The following SAMMSON variants were observed in gnomAD, a reference collection of about 807,000 sequenced individuals.
SAMMSON encodes the protein long intergenic non-protein coding RNA 1212.
intron 3 of SAMMSON, among the ~76,000 whole-genome samples, chr3:70,019,961 G>T (rs9873906): frequency 0.027 from 4,172 of 152,218 alleles, 111 homozygotes; most frequent in African/African-American, 0.061. Flanking sequence ...AATCCTCTCT[G>T]TGAAGAAATG....
intron 6 of SAMMSON, among the ~76,000 whole-genome samples, chr3:70,287,859 G>T (rs1156571189): frequency 2.0e-5 from 3 of 152,016 alleles, no homozygotes; most frequent in Admixed American, 2.0e-4. Flanking sequence ...GGTGTTTGTA[G>T]TATTCTCTGA....
chr3:70,047,239 T>G (rs1320761055), intron 3 of SAMMSON, among the ~76,000 whole-genome samples: 1 of 152,050 alleles, frequency 6.6e-6, no homozygotes. Flanking sequence ...ATGAATGAAT[T>G]AAGGATAAAA....
At chr3:70,028,151 C>CTTCCTTCT (rs1559776223) in intron 3 of SAMMSON, among the ~76,000 whole-genome samples, 52 of 46,028 alleles carry the variant, frequency 1.1e-3, no homozygotes, top group African/African-American at 2.2e-3. Flanking sequence ...TCTTTCCTTC[C>CTTCCTTCT]TTCCTTCCTT....
chr3:70,361,815 C>T (rs969258727), intron 9 of SAMMSON, among the ~76,000 whole-genome samples: 2 of 152,160 alleles, frequency 1.3e-5, no homozygotes. Context: ...ATTCTTTTAA[C>T]ATTTTCACCG....
At chr3:70,147,664 T>A (rs958859963) in intron 4 of SAMMSON, among the ~76,000 whole-genome samples, 1 of 152,092 alleles carries the variant, frequency 6.6e-6, no homozygotes, top group East Asian at 1.9e-4. Flanking sequence ...TCAAAATGGA[T>A]CTTTCATCTA....
rs150448737 is a variant in SAMMSON, at chr3:70,415,624, G to T, written n.234-46936G>T. On this transcript the variant is annotated intron_variant and non_coding_transcript_variant, in intron 2 of 3. Coordinates refer to the SAMMSON transcript ENST00000641053. ...GTTTTGTTTTTAGGCTTTCAATATG[G>T]TAATATGTTCTAACAATTGTCAGGT... Among the ~76,000 whole-genome samples, 431 of 152,190 alleles carry T rather than the reference G, an allele frequency of 2.8e-3. 4 individuals carry two copies. Among genetic ancestry groups the T allele is most frequent in the African/African-American group, 9.7e-3 (402 of 41,552 alleles).
chr3:70,304,281 A>G (rs1167859404), intron 7 of SAMMSON, among the ~76,000 whole-genome samples: 5 of 152,088 alleles, frequency 3.3e-5, no homozygotes, highest in African/African-American at 4.8e-5. Context: ...ATTTTATTTA[A>G]TTTCCATTTC....
intron 3 of SAMMSON, among the ~76,000 whole-genome samples, chr3:70,039,156 CACT>C (rs1255204441): frequency 6.6e-6 from 1 of 152,142 alleles, no homozygotes. Flanking sequence ...TAAACTGCAC[CACT>C]GAGTACTTGA....
At chr3:70,007,568 C>T (rs1347164733) in intron 1 of SAMMSON, among the ~76,000 whole-genome samples, 1 of 151,548 alleles carries the variant, frequency 6.6e-6, no homozygotes, top group South Asian at 2.1e-4. Flanking sequence ...GAGTAGACTG[C>T]AAAAATTTTC....
chr3:70,085,580 CTCT>C (rs2067282304), intron 4 of SAMMSON, among the ~76,000 whole-genome samples: 1 of 152,112 alleles, frequency 6.6e-6, no homozygotes, highest in African/African-American at 2.4e-5. Flanking sequence ...TTTTGGGGAC[CTCT>C]TCTTGATATA....
At chr3:70,211,229 T>C (rs1382124207) in intron 4 of SAMMSON, among the ~76,000 whole-genome samples, 1 of 151,812 alleles carries the variant, frequency 6.6e-6, no homozygotes, top group East Asian at 1.9e-4. Context: ...TCCTTTCCTT[T>C]CCCTTTTTCC....
chr3:70,143,446 T>G (rs2067535832), intron 4 of SAMMSON, among the ~76,000 whole-genome samples: 1 of 152,130 alleles, frequency 6.6e-6, no homozygotes, highest in Non-Finnish European at 1.5e-5. Flanking sequence ...AATTTTGTTT[T>G]TCGTGTACCC....
intron 3 of SAMMSON, among the ~76,000 whole-genome samples, chr3:70,024,631 C>T (rs552354236): frequency 1.2e-4 from 18 of 152,302 alleles, no homozygotes; most frequent in African/African-American, 4.3e-4. Context: ...TCACTTGGTC[C>T]TTGAAAGATA....
chr3:70,099,082 T>A (rs1313649451), intron 4 of SAMMSON, among the ~76,000 whole-genome samples: 1 of 152,240 alleles, frequency 6.6e-6, no homozygotes, highest in Non-Finnish European at 1.5e-5. Flanking sequence ...AATGTTTCAC[T>A]GTATGAATAG....
chr3:70,120,868 G>T (rs956350633), intron 4 of SAMMSON, among the ~76,000 whole-genome samples: 1 of 152,138 alleles, frequency 6.6e-6, no homozygotes, highest in Non-Finnish European at 1.5e-5. Flanking sequence ...CTGGAGGTGT[G>T]GGGGGATGGT....
chr3:70,038,931 A>G (rs2067096182), intron 3 of SAMMSON, among the ~76,000 whole-genome samples: 2 of 152,122 alleles, frequency 1.3e-5, no homozygotes, highest in Non-Finnish European at 2.9e-5. Context: ...GTGGTTTAGG[A>G]GCCAGTCCGG....
intron 2 of SAMMSON, among the ~76,000 whole-genome samples, chr3:70,403,953 G>A (rs972553523): frequency 2.0e-5 from 3 of 152,020 alleles, no homozygotes; most frequent in African/African-American, 4.8e-5. Flanking sequence ...CTACTTACAA[G>A]TCTTGACAAA....
chr3:70,063,946 T>TAGGCCACTG (rs1198613847), intron 3 of SAMMSON, among the ~76,000 whole-genome samples: 43 of 152,248 alleles, frequency 2.8e-4, no homozygotes, highest in African/African-American at 9.6e-4. Context: ...AGTAAATCTT[T>TAGGCCACTG]TCCTACAAGG....
At chr3:70,214,660 GC>G (rs1553645974) in intron 4 of SAMMSON, among the ~76,000 whole-genome samples, 6 of 146,358 alleles carry the variant, frequency 4.1e-5, no homozygotes, top group Non-Finnish European at 1.5e-5. Context: ...TTTTCTGCCC[GC>G]CACTATACTT....
Sources: allele counts gnomAD v4.1 joint callset (sites outside exome capture counted in the v4.1 genomes callset), GRCh38; gene constraint gnomAD v4.1.1; transcripts MANE v1.5; gene names NCBI Gene and HGNC (gene_info 2026-07-23, HGNC 2026-07-21).